The following PCDH9 variants were observed in gnomAD, a reference collection of about 807,000 sequenced individuals.
PCDH9 encodes protocadherin 9, also known as protocadherin-9.
A neutral mutation model predicts 70.6 loss-of-function variants in PCDH9; 24 were observed. The ratio of observed to expected loss-of-function variants is 0.34; its 90% CI spans 0.25 to 0.48. PCDH9 has a LOEUF of 0.48. Ranked by LOEUF, PCDH9 falls within the 20% of genes least tolerant of loss-of-function variation. PCDH9 has a pLI of 0.99. For synonymous variants in PCDH9, 562 were observed against 558.5 expected (o/e 1.01, Z -0.09); for missense variants, 1,281 against 1,503.6 (o/e 0.85, Z 2.45).
chr13:66,512,785 T>A (rs922030461), intron 4 of PCDH9, among the ~76,000 whole-genome samples: 3 of 151,676 alleles, frequency 2.0e-5, no homozygotes, highest in Non-Finnish European at 4.4e-5. Context: ...GGACTCATTC[T>A]TTCATTCTTT....
At chr13:66,593,383 A>T (rs1446540426) in intron 4 of PCDH9, among the ~76,000 whole-genome samples, 1 of 151,754 alleles carries the variant, frequency 6.6e-6, no homozygotes, top group Non-Finnish European at 1.5e-5. Flanking sequence ...AATTCAGGAA[A>T]AGCAGATATG....
intron 2 of PCDH9, among the ~76,000 whole-genome samples, chr13:67,134,982 C>T (rs911284396): frequency 7.9e-5 from 12 of 152,060 alleles, no homozygotes; most frequent in African/African-American, 2.9e-4. Context: ...AAAGTGAAAA[C>T]TTTCCAGTCC....
At chr13:66,558,093 T>C (rs1196636713) in intron 4 of PCDH9, among the ~76,000 whole-genome samples, 3 of 152,156 alleles carry the variant, frequency 2.0e-5, no homozygotes, top group Admixed American at 6.5e-5. Context: ...AGTTTGAGAC[T>C]GCAGTGAGCT....
chr13:66,830,599 T>A (rs1365933327), intron 3 of PCDH9, among the ~76,000 whole-genome samples: 3 of 152,216 alleles, frequency 2.0e-5, no homozygotes, highest in Non-Finnish European at 4.4e-5. Flanking sequence ...CAGTGGGGAT[T>A]TAAATTAAGG....
At chr13:66,810,435 T>A (rs1166690692) in intron 3 of PCDH9, among the ~76,000 whole-genome samples, 2 of 152,022 alleles carry the variant, frequency 1.3e-5, no homozygotes, top group Non-Finnish European at 2.9e-5. Flanking sequence ...TCATTTAAGT[T>A]CTCAGATTCC....
chr13:66,951,098 T>TG (rs1192248135), intron 2 of PCDH9, among the ~76,000 whole-genome samples: 4 of 152,242 alleles, frequency 2.6e-5, no homozygotes, highest in Admixed American at 2.0e-4. Context: ...TCACTTACTC[T>TG]GCAAAGCCTC....
intron 2 of PCDH9, among the ~76,000 whole-genome samples, chr13:67,104,932 G>A (rs754878581): frequency 3.3e-5 from 5 of 152,076 alleles, no homozygotes; most frequent in Non-Finnish European, 7.4e-5. Flanking sequence ...CCACTTCACT[G>A]AAATAAAAAC....
chr13:66,807,872 A>G (rs985022482), intron 3 of PCDH9, among the ~76,000 whole-genome samples: 5 of 152,144 alleles, frequency 3.3e-5, no homozygotes, highest in African/African-American at 1.2e-4. Context: ...ACTTTCATGA[A>G]CTCATGGATG....
chr13:66,315,513 G>C (rs190637497), intron 4 of PCDH9, among the ~76,000 whole-genome samples: 1 of 151,450 alleles, frequency 6.6e-6, no homozygotes, highest in African/African-American at 2.4e-5. Context: ...ATGGAGTTTC[G>C]CTCTGCCACT....
Position 66,676,796 on chromosome 13 carries a change from T to C in PCDH9, c.3139-45385A>G, listed in dbSNP as rs552018741. ...CATTCTATAGCTGTCATGCATGTTT[T>C]AGAGTGCAGATCATGTGTCTCCTAT... On this transcript the variant is annotated intron_variant, in intron 3 of 4. Coordinates refer to ENST00000377865, the MANE Select transcript of PCDH9 (RefSeq NM_203487.3). Among the ~76,000 whole-genome samples the C allele has an allele frequency of 4.5e-4, 68 of 152,264 alleles. 3 individuals carry two copies. In the South Asian group the frequency reaches 0.013, roughly 30 times the overall value.
At chr13:66,427,879 A>C (rs909319855) in intron 4 of PCDH9, among the ~76,000 whole-genome samples, 1 of 151,756 alleles carries the variant, frequency 6.6e-6, no homozygotes, top group Non-Finnish European at 1.5e-5. Context: ...TTTCATACTA[A>C]CAATAGAAAA....
chr13:66,685,656 A>C (rs770161049), intron 3 of PCDH9, among the ~76,000 whole-genome samples: 13 of 152,214 alleles, frequency 8.5e-5, no homozygotes, highest in Non-Finnish European at 1.6e-4. Flanking sequence ...CAGGCACTTA[A>C]TGCAAGCATA....
At chr13:66,934,733 T>G (rs1305870062) in intron 2 of PCDH9, among the ~76,000 whole-genome samples, 2 of 124,212 alleles carry the variant, frequency 1.6e-5, no homozygotes, top group Non-Finnish European at 3.4e-5. Context: ...TTTTTTTTTT[T>G]TTTTTGAGAC....
At chr13:67,209,546 A>G (rs1432624100) in intron 2 of PCDH9, 5 of 152,106 alleles carry the variant, frequency 3.3e-5, no homozygotes, top group African/African-American at 1.2e-4. Flanking sequence ...CACCAAAAGA[A>G]TTTGGTCTTC....
At chr13:67,163,587 A>T (rs900973643) in intron 2 of PCDH9, among the ~76,000 whole-genome samples, 1 of 152,234 alleles carries the variant, frequency 6.6e-6, no homozygotes, top group African/African-American at 2.4e-5. Flanking sequence ...GCATTCAGAC[A>T]GTAATTACAA....
At chr13:66,693,977 G>T (rs1344435112) in intron 3 of PCDH9, among the ~76,000 whole-genome samples, 3 of 152,152 alleles carry the variant, frequency 2.0e-5, no homozygotes, top group African/African-American at 4.8e-5. Flanking sequence ...AGGAATGAAG[G>T]TGAAATGTGC....
At chr13:66,610,021 G>C (rs995412821) in intron 4 of PCDH9, among the ~76,000 whole-genome samples, 1 of 147,504 alleles carries the variant, frequency 6.8e-6, no homozygotes, top group Non-Finnish European at 1.5e-5. Flanking sequence ...GCAGTGGCGA[G>C]ATCTCGGCTC....
chr13:66,456,719 C>T lies in PCDH9; in HGVS notation c.3341-151691G>A, dbSNP rs78651017. On this transcript the variant is annotated intron_variant, in intron 4 of 4. Coordinates refer to ENST00000377865, the MANE Select transcript of PCDH9 (RefSeq NM_203487.3). ...ATGTCATAGCCTATTCAGTTTGACT[C>T]TTTCCCCGTTCTTTCTTCCAAGTAT... Among the ~76,000 whole-genome samples the T allele has an allele frequency of 4.5e-3, 688 of 152,228 alleles. 27 individuals carry two copies. In the East Asian group the frequency reaches 0.088, roughly 20 times the overall value.
chr13:66,937,820 C>CT (rs57911340), intron 2 of PCDH9, among the ~76,000 whole-genome samples: 242 of 146,972 alleles, frequency 1.6e-3, no homozygotes, highest in African/African-American at 5.6e-3. Context: ...ATCACTTTAC[C>CT]TTTTTTTTTT....
Sources: gnomAD v4.1 joint callset for allele counts (sites outside exome capture counted in the v4.1 genomes callset) on GRCh38, gnomAD v4.1.1 for gene constraint, MANE v1.5 for transcripts, NCBI Gene and HGNC (gene_info 2026-07-23, HGNC 2026-07-21) for gene names.